Variants in NRP2 observed in about 807,000 individuals in gnomAD.
NRP2 encodes neuropilin-2.
In NRP2, 52 loss-of-function variants were observed where a neutral mutation model predicts 110.4. The ratio of observed to expected loss-of-function variants is 0.47; its 90% CI spans 0.38 to 0.59. The LOEUF (loss-of-function observed/expected upper bound fraction) is 0.59, where lower values mean the gene tolerates loss of function less well. Ranked by LOEUF, NRP2 falls within the 20% of genes least tolerant of loss-of-function variation. The probability of loss-of-function intolerance (pLI) is 0.00; values close to 1 mark genes in which losing one functional copy is unlikely to be tolerated. For missense variants in NRP2, 1,049 were observed against 1,203.0 expected, an observed-to-expected ratio of 0.87 and a Z score of 1.89; for synonymous variants, 508 against 468.9, an observed-to-expected ratio of 1.08 and a Z score of -1.08.
chr2:205,728,669 T>C (rs758374363), intron 7 of NRP2, among the ~76,000 whole-genome samples: 12 of 152,204 alleles, frequency 7.9e-5, no homozygotes, highest in Non-Finnish European at 1.6e-4. Flanking sequence ...TGTATACATA[T>C]GGATGAATGT....
chr2:205,709,859 G>A (rs777265409), intron 2 of NRP2, among the ~76,000 whole-genome samples: 2 of 152,034 alleles, frequency 1.3e-5, no homozygotes, highest in African/African-American at 2.4e-5. Context: ...TCACTCCATG[G>A]GCCATATGTT....
Position 205,743,710 on chromosome 2 carries a change from G to T in NRP2, c.1641+158G>T. The T allele has an allele frequency of 3.6e-6, 5 of 1,398,520 alleles. No homozygotes were observed. The East Asian group carries it at 1.3e-4, about 35-fold the overall frequency. 86.6% of individuals were successfully genotyped at this position (1,398,520 alleles called of 1,614,324 possible). On this transcript the variant is annotated intron_variant, in intron 9 of 16. Coordinates refer to ENST00000357785, the MANE Select transcript of NRP2 (RefSeq NM_003872.3). Reference sequence around the variant, plus strand: ...CGTTTGAGAGATTACTTTGTGCCAGGCACTGTGCTAAATACCTTATTTCTG... The same window carrying T: ...CGTTTGAGAGATTACTTTGTGCCAGTCACTGTGCTAAATACCTTATTTCTG...
At chr2:205,726,712 G>A (rs908107688) in intron 6 of NRP2, among the ~76,000 whole-genome samples, 2 of 152,210 alleles carry the variant, frequency 1.3e-5, no homozygotes, top group Non-Finnish European at 2.9e-5. Flanking sequence ...CTGGGAAGAA[G>A]TAAACAGGGG....
intron 10 of NRP2, 142 bp downstream of exon 10, chr2:205,746,032 C>T (rs2057532395): frequency 2.2e-6 from 2 of 911,078 alleles, no homozygotes; most frequent in South Asian, 2.8e-5. Context: ...GTTCTCCTGC[C>T]TCAGACCACG....
intron 8 of NRP2, 96 bp from the exon 9 acceptor site, chr2:205,743,107 C>T: frequency 2.5e-6 from 4 of 1,597,328 alleles, no homozygotes; most frequent in Non-Finnish European, 2.5e-6. Flanking sequence ...TAGTATTTGA[C>T]AGTTGGGCTC....
intron 12 of NRP2, among the ~76,000 whole-genome samples, chr2:205,760,634 A>G (rs1481594907): frequency 2.0e-5 from 3 of 151,712 alleles, no homozygotes; most frequent in Non-Finnish European, 4.4e-5. Context: ...AGGAGAGAAG[A>G]GGGGAAGGGG....
intron 15 of NRP2, among the ~76,000 whole-genome samples, chr2:205,781,123 C>T (rs543151735): frequency 1.3e-5 from 2 of 152,332 alleles, no homozygotes; most frequent in South Asian, 4.1e-4. Context: ...TTAGCCATCA[C>T]TTATGCTTTG....
At chr2:205,711,623 G>A (rs746411592) in intron 2 of NRP2, among the ~76,000 whole-genome samples, 13 of 152,214 alleles carry the variant, frequency 8.5e-5, no homozygotes, top group Non-Finnish European at 1.6e-4. Context: ...TGAGCAGTGT[G>A]AAAGGAGGCC....
intron 2 of NRP2, among the ~76,000 whole-genome samples, chr2:205,705,715 C>T (rs1203698080): frequency 5.9e-5 from 9 of 152,074 alleles, no homozygotes; most frequent in Admixed American, 6.5e-5. Flanking sequence ...GATGTAGATA[C>T]TGAGGCCCTG....
At chr2:205,741,142 G>A (rs12373687) in intron 8 of NRP2, among the ~76,000 whole-genome samples, 56,747 of 152,136 alleles carry the variant, frequency 0.37, 11,773 homozygotes, top group Non-Finnish European at 0.47. Context: ...ACAAAGGTGG[G>A]CACAACAGAC....
chr2:205,716,193 G>C lies in NRP2; in HGVS notation c.252G>C (p.Lys84Asn). The change falls in exon 3 of 17, where the codon AAG (lysine) becomes AAC (asparagine). Residue 84 changes from lysine (K) to asparagine (N), a missense_variant and splice_region_variant. Lys to Asn is a moderately conservative substitution (Grantham distance 94). Coordinates refer to ENST00000357785, the MANE Select transcript of NRP2 (RefSeq NM_003872.3). The part of the protein sequence containing the change: ...PHFEIEKHDC[K>N]YDFIEIRDGD... ...TCTTGTCTGTGCCATCCCCACCCAGGTATGACTTTATCGAGATTCGGGATG... is the reference window on the plus strand; with the variant it reads ...TCTTGTCTGTGCCATCCCCACCCAGCTATGACTTTATCGAGATTCGGGATG... 6.2e-7 allele frequency: 1 copy of C among 1,614,132 alleles called. No individual in the cohort carries two copies.
intron 3 of NRP2, among the ~76,000 whole-genome samples, chr2:205,716,759 A>G (rs2056905725): frequency 6.6e-6 from 1 of 152,164 alleles, no homozygotes; most frequent in Non-Finnish European, 1.5e-5. Context: ...CTTTATTTGG[A>G]ACTACATGGG....
intron 16 of NRP2, among the ~76,000 whole-genome samples, chr2:205,792,569 C>G (rs1451147124): frequency 6.6e-6 from 1 of 152,212 alleles, no homozygotes; most frequent in Non-Finnish European, 1.5e-5. Context: ...AAACCCTTTA[C>G]AAGTGAAAGA....
chr2:205,725,998 G>T lies in NRP2; in HGVS notation c.906G>T (p.Gly302=). 1 of 1,614,152 alleles carries T rather than the reference G, an allele frequency of 6.2e-7. No individual in the cohort carries two copies. The highest frequency in any genetic ancestry group is 8.5e-7 in the Non-Finnish European group (1 of 1,179,996). The stretch of plus-strand genomic sequence containing the variant: ...GTGCCTCATCTACCTACTCTGATGG[G>T]AGGTGGACCCCTCAACAAAGCCGGC... ...QISASSTYSD[G]RWTPQQSRLH... Residue 302 remains glycine (G), a synonymous_variant, in exon 6 of 17, where the codon GGG becomes GGT. Coordinates refer to ENST00000357785, the MANE Select transcript of NRP2 (RefSeq NM_003872.3). This position sits in a 1 kb window ranked among gnomAD's most constrained non-coding sequence, Gnocchi z 4.1.
At chr2:205,779,133 C>T (rs2105953826) in intron 15 of NRP2, 1 of 152,304 alleles carries the variant, frequency 6.6e-6, no homozygotes, top group East Asian at 1.9e-4. Context: ...ATGATAGCAA[C>T]TATTAAAATA....
Position 205,682,763 on chromosome 2 carries a change from A to G in NRP2, c.-528A>G, listed in dbSNP as rs2056043431. ...CTCCCGCCGGGGGAACCCGGCGAGG[A>G]CAAGAGCAGGGCGGCCGCCTTCCAC... On this transcript the variant is annotated 5_prime_UTR_variant, in exon 1 of 17. Coordinates refer to ENST00000357785, the MANE Select transcript of NRP2 (RefSeq NM_003872.3). The surrounding 1 kb of genome is among the most constrained non-coding windows in gnomAD (Gnocchi z 4.3). 6.3e-6 allele frequency: 1 copy of G among 159,254 alleles called. No homozygotes were observed. The highest frequency in any genetic ancestry group is 1.4e-5 in the Non-Finnish European group (1 of 72,462). 9.9% of individuals were successfully genotyped at this position (159,254 alleles called of 1,614,324 possible).
At chr2:205,733,409 A>T (rs1371250724) in intron 7 of NRP2, among the ~76,000 whole-genome samples, 1 of 152,142 alleles carries the variant, frequency 6.6e-6, no homozygotes, top group Non-Finnish European at 1.5e-5. Context: ...GGGCTGTGGA[A>T]TCATGTTCCT....
intron 10 of NRP2, 23 bp downstream of exon 10, chr2:205,745,913 T>C (rs1559343988): frequency 6.2e-7 from 1 of 1,613,764 alleles, no homozygotes; most frequent in Non-Finnish European, 8.5e-7. Flanking sequence ...TTCCTCCTCT[T>C]TGCATCTCAC....
At chr2:205,749,932 G>T (rs540503276) in intron 11 of NRP2, 91 bp downstream of exon 11, 14 of 961,374 alleles carry the variant, frequency 1.5e-5, no homozygotes, top group Non-Finnish European at 2.2e-5. Context: ...TGGTCCCCCA[G>T]ATCAGAGATC....
Sources: allele counts gnomAD v4.1 joint callset (sites outside exome capture counted in the v4.1 genomes callset), GRCh38; gene constraint gnomAD v4.1.1; non-coding constraint Gnocchi (gnomAD v3.1); transcripts MANE v1.5; gene names NCBI Gene and HGNC (gene_info 2026-07-23, HGNC 2026-07-21).